Variants in SNTG1 observed in about 807,000 individuals in gnomAD.
SNTG1 encodes the protein gamma-1-syntrophin.
A neutral mutation model predicts 74.7 loss-of-function variants in SNTG1; 39 were observed. The ratio of observed to expected loss-of-function variants is 0.52; its 90% CI spans 0.40 to 0.68. The LOEUF is 0.68. SNTG1 is among the 30% of genes least tolerant of loss of function. The probability of loss-of-function intolerance (pLI) is 0.00; values close to 1 mark genes in which losing one functional copy is unlikely to be tolerated. For synonymous variants in SNTG1, 254 were observed against 217.1 expected, an observed-to-expected ratio of 1.17 and a Z score of -1.49; for missense variants, 685 against 609.5, an observed-to-expected ratio of 1.12 and a Z score of -1.30.
At chr8:50,768,988 C>G (rs2095620498) in intron 18 of SNTG1, among the ~76,000 whole-genome samples, 1 of 151,954 alleles carries the variant, frequency 6.6e-6, no homozygotes, top group African/African-American at 2.4e-5. Context: ...GATAGTGCCT[C>G]TCTCTCCCTT....
chr8:50,448,757 G>A (rs544073184), intron 5 of SNTG1, among the ~76,000 whole-genome samples: 18 of 152,020 alleles, frequency 1.2e-4, no homozygotes, highest in East Asian at 5.8e-4. Context: ...ACTGCAGGCC[G>A]GGTGCGGTGA....
At chr8:50,165,051 C>CCA (rs920786949) in intron 1 of SNTG1, among the ~76,000 whole-genome samples, 3 of 151,952 alleles carry the variant, frequency 2.0e-5, no homozygotes, top group Non-Finnish European at 4.4e-5. Flanking sequence ...CTTTCATCTC[C>CCA]CACACACACA....
intron 1 of SNTG1, among the ~76,000 whole-genome samples, chr8:50,137,899 A>G (rs1196016222): frequency 6.6e-6 from 1 of 152,128 alleles, no homozygotes; most frequent in Non-Finnish European, 1.5e-5. Flanking sequence ...TGACTCCTCA[A>G]GACAGGATTC....
At position 50,593,717 on chromosome 8, in the gene SNTG1, C is replaced by CTTT. The variant is rs1183759564; in HGVS notation, c.849+2814_849+2816dup. 5.9e-3 allele frequency among the ~76,000 whole-genome samples: 809 copies of CTTT among 136,050 alleles called. 8 individuals are homozygous for CTTT. Among genetic ancestry groups the CTTT allele is most frequent in the African/African-American group, 0.02 (732 of 36,968 alleles). The allele number at this position is 136,050 out of a possible 152,430, so 89.3% of individuals were successfully genotyped here. A position where few individuals can be genotyped will look rare whatever the true frequency, so the allele number is the denominator to read the frequency against. On this transcript the variant is annotated intron_variant, in intron 13 of 18. Transcript: ENST00000642720. Reference sequence around the variant, plus strand: ...GTTCTATTAAGATTCTGATTTGGTTCTTTTTTTTTTTTTTTTGAGAGACAG... The same window carrying CTTT: ...GTTCTATTAAGATTCTGATTTGGTTCTTTTTTTTTTTTTTTTTTTGAGAGACAG...
At chr8:50,155,940 A>G (rs2082240019) in intron 1 of SNTG1, among the ~76,000 whole-genome samples, 1 of 152,036 alleles carries the variant, frequency 6.6e-6, no homozygotes, top group African/African-American at 2.4e-5. Context: ...TCAGAGCAAC[A>G]CCATGAATAC....
intron 1 of SNTG1, among the ~76,000 whole-genome samples, chr8:49,918,925 A>C (rs893513062): frequency 9.2e-5 from 14 of 152,198 alleles, no homozygotes; most frequent in Non-Finnish European, 1.9e-4. Flanking sequence ...TTTGCAAAAG[A>C]GAATTACTGG....
At chr8:50,042,652 G>T (rs1439308413) in intron 1 of SNTG1, among the ~76,000 whole-genome samples, 3 of 152,102 alleles carry the variant, frequency 2.0e-5, no homozygotes, top group Non-Finnish European at 4.4e-5. Flanking sequence ...AAACTCCTGG[G>T]CTCAAGTGAT....
At chr8:50,523,824 A>C in intron 9 of SNTG1, among the ~76,000 whole-genome samples, 1 of 152,228 alleles carries the variant, frequency 6.6e-6, no homozygotes, top group South Asian at 2.1e-4. Context: ...CATGGTTGAC[A>C]TAAACCTTCA....
intron 13 of SNTG1, among the ~76,000 whole-genome samples, chr8:50,648,020 G>A (rs1376393967): frequency 2.0e-5 from 3 of 151,960 alleles, no homozygotes; most frequent in Non-Finnish European, 2.9e-5. Context: ...CCCAAGTCCT[G>A]GCAATGATGG....
intron 2 of SNTG1, among the ~76,000 whole-genome samples, chr8:50,309,411 G>A (rs1043376536): frequency 6.6e-6 from 1 of 151,760 alleles, no homozygotes; most frequent in Admixed American, 6.6e-5. Context: ...ATTTCAAGAA[G>A]AGAAAGTCAG....
chr8:50,781,766 G>A (rs182962571), intron 18 of SNTG1, among the ~76,000 whole-genome samples: 24 of 152,144 alleles, frequency 1.6e-4, no homozygotes, highest in Middle Eastern at 3.4e-3. Flanking sequence ...GCTGGTTATT[G>A]TGCGCGTTCG....
chr8:50,047,467 A>G (rs1375234883), intron 1 of SNTG1, among the ~76,000 whole-genome samples: 1 of 152,188 alleles, frequency 6.6e-6, no homozygotes. Flanking sequence ...TGTGAGAGAT[A>G]AAAGTTAGAT....
At chr8:50,305,869 C>T (rs111420026) in intron 2 of SNTG1, among the ~76,000 whole-genome samples, 9 of 149,668 alleles carry the variant, frequency 6.0e-5, no homozygotes, top group African/African-American at 2.0e-4. Flanking sequence ...CCAACATTGC[C>T]AAAAGTTATA....
chr8:50,565,106 T>A (rs1290061069), intron 12 of SNTG1, among the ~76,000 whole-genome samples: 1 of 152,132 alleles, frequency 6.6e-6, no homozygotes, highest in Non-Finnish European at 1.5e-5. Context: ...CATGGAAAGA[T>A]AGTGGACAAT....
intron 2 of SNTG1, among the ~76,000 whole-genome samples, chr8:50,177,627 C>T (rs1294850224): frequency 4.6e-5 from 7 of 152,142 alleles, no homozygotes; most frequent in African/African-American, 1.4e-4. Context: ...ACAAGTGAAA[C>T]AGGAGTGGGC....
intron 2 of SNTG1, among the ~76,000 whole-genome samples, chr8:50,386,578 G>A (rs960849412): frequency 6.6e-6 from 1 of 151,990 alleles, no homozygotes; most frequent in Admixed American, 6.6e-5. Context: ...AAGAAAAGGG[G>A]CTTACTTTGA....
chr8:50,542,034 G>A (rs1270182128), intron 11 of SNTG1, among the ~76,000 whole-genome samples: 2 of 148,020 alleles, frequency 1.4e-5, no homozygotes, highest in Non-Finnish European at 3.0e-5. Context: ...ATATTTTATT[G>A]CATATGTATA....
intron 15 of SNTG1, among the ~76,000 whole-genome samples, chr8:50,693,363 A>T (rs1052858577): frequency 6.6e-6 from 1 of 152,142 alleles, no homozygotes; most frequent in Non-Finnish European, 1.5e-5. Flanking sequence ...GGAGCTGTAG[A>T]CCGGAGCTGT....
chr8:50,150,189 CTGTT>C (rs1329179548), intron 1 of SNTG1, among the ~76,000 whole-genome samples: 3 of 152,104 alleles, frequency 2.0e-5, no homozygotes, highest in African/African-American at 7.3e-5. Context: ...ATTTGGTTCT[CTGTT>C]TGTCTGTTAT....
Sources: gnomAD v4.1 joint callset for allele counts (sites outside exome capture counted in the v4.1 genomes callset) on GRCh38, gnomAD v4.1.1 for gene constraint, MANE v1.5 for transcripts, NCBI Gene and HGNC (gene_info 2026-07-23, HGNC 2026-07-21) for gene names.